Variants in KCTD1 observed in about 807,000 individuals in gnomAD.
The protein encoded by KCTD1 is potassium channel tetramerization domain containing 1.
A neutral mutation model predicts 66.0 loss-of-function variants in KCTD1; 24 were observed. That is an observed-to-expected ratio of 0.36 (90% confidence interval 0.26 to 0.51). The LOEUF (loss-of-function observed/expected upper bound fraction) is 0.51. Among genes scored for constraint, KCTD1 ranks in the 20% least tolerant of loss-of-function variants. The pLI is 0.95. For synonymous variants in KCTD1, 511 were observed against 517.2 expected (o/e 0.99, Z 0.16); for missense variants, 943 against 1,205.2 (o/e 0.78, Z 3.22).
chr18:26,538,560 G>A (rs1275057716), intron 1 of KCTD1, among the ~76,000 whole-genome samples: 1 of 152,168 alleles, frequency 6.6e-6, no homozygotes, highest in Non-Finnish European at 1.5e-5. Context: ...GCAGCACCTG[G>A]ACAAGCTACT....
intron 1 of KCTD1, among the ~76,000 whole-genome samples, chr18:26,504,671 T>C (rs964031239): frequency 2.0e-5 from 3 of 152,054 alleles, no homozygotes; most frequent in African/African-American, 7.3e-5. Flanking sequence ...CTGTACCTGA[T>C]ATATAAGAAC....
At chr18:26,612,983 TAC>T (rs1987169265) in intron 1 of KCTD1, among the ~76,000 whole-genome samples, 1 of 152,208 alleles carries the variant, frequency 6.6e-6, no homozygotes, top group African/African-American at 2.4e-5. Context: ...TTTTTAATTG[TAC>T]AGTGTCCAGT....
intron 2 of KCTD1, among the ~76,000 whole-genome samples, chr18:26,481,508 T>A (rs1393057597): frequency 6.6e-6 from 1 of 152,108 alleles, no homozygotes; most frequent in Non-Finnish European, 1.5e-5. Flanking sequence ...AGAAGCCAGA[T>A]CGTAAAAAGC....
At chr18:26,643,977 C>T (rs58336405), upstream of KCTD1, among the ~76,000 whole-genome samples, 1 of 151,816 alleles carries the variant, frequency 6.6e-6, no homozygotes, top group South Asian at 2.1e-4. Flanking sequence ...AAAAAGGGGG[C>T]CTGCTAAGGT....
chr18:26,560,948 C>T (rs923903784), intron 1 of KCTD1, among the ~76,000 whole-genome samples: 3 of 152,102 alleles, frequency 2.0e-5, no homozygotes, highest in African/African-American at 7.2e-5. Flanking sequence ...GATATATGTA[C>T]AAGGGTGCTC....
intron 1 of KCTD1, chr18:26,600,236 AC>A (rs1164992219): frequency 7.5e-6 from 12 of 1,606,264 alleles, no homozygotes; most frequent in African/African-American, 1.3e-5. Context: ...GGAAACTGCT[AC>A]CTGGGTGATG....
intron 1 of KCTD1, among the ~76,000 whole-genome samples, chr18:26,561,488 T>A (rs1985847578): frequency 6.7e-6 from 1 of 150,308 alleles, no homozygotes; most frequent in Non-Finnish European, 1.5e-5. Context: ...ATGTTCTGGG[T>A]CTCTCTGCTT....
chr18:26,551,475 G>A (rs1251269983), upstream of KCTD1, among the ~76,000 whole-genome samples: 1 of 152,082 alleles, frequency 6.6e-6, no homozygotes, highest in Non-Finnish European at 1.5e-5. Context: ...TGATTATCGG[G>A]CAACTGTGGA....
intron 1 of KCTD1, among the ~76,000 whole-genome samples, chr18:26,556,007 G>A (rs1011382969): frequency 4.1e-5 from 6 of 147,694 alleles, no homozygotes; most frequent in African/African-American, 1.3e-4. Context: ...CCTGCCCCGT[G>A]GCTGTGTTTC....
At chr18:26,620,975 G>A (rs1987370237) in intron 1 of KCTD1, among the ~76,000 whole-genome samples, 1 of 151,846 alleles carries the variant, frequency 6.6e-6, no homozygotes, top group Non-Finnish European at 1.5e-5. Flanking sequence ...TGGGACTACA[G>A]GCGCCCGCCA....
At chr18:26,637,120 G>T (rs1163910803) in intron 1 of KCTD1, among the ~76,000 whole-genome samples, 1 of 152,170 alleles carries the variant, frequency 6.6e-6, no homozygotes, top group Admixed American at 6.5e-5. Flanking sequence ...TTCCAACACT[G>T]TGCCTAGTTT....
chr18:26,496,740 G>GCACACACACACA (rs111233653), intron 2 of KCTD1, among the ~76,000 whole-genome samples: 71 of 148,184 alleles, frequency 4.8e-4, no homozygotes, highest in African/African-American at 1.6e-3. Context: ...AAAAGCATGT[G>GCACACACACACA]CACACACACA....
intron 1 of KCTD1, among the ~76,000 whole-genome samples, chr18:26,639,753 C>T (rs906837098): frequency 2.0e-5 from 3 of 152,240 alleles, no homozygotes; most frequent in Non-Finnish European, 2.9e-5. Flanking sequence ...TGCTGATCCA[C>T]GTTTTCAGAT....
chr18:26,548,132 C>A lies in KCTD1; in HGVS notation c.405G>T (p.Ala135=). 1 of 1,318,738 alleles carries A rather than the reference C, an allele frequency of 7.6e-7. No homozygotes were observed. The allele number at this position is 1,318,738 out of a possible 1,614,324, so 81.7% of individuals were successfully genotyped here. ...MDQSAALEPE[A]PPRLLAPRAR... is the part of the protein sequence containing the mutation. ...CCCGGGGCGCCAGCAGTCGCGGCGGCGCCTCGGGCTCCAGCGCGGCGCTCT... is the reference window on the plus strand; with the variant it reads ...CCCGGGGCGCCAGCAGTCGCGGCGGAGCCTCGGGCTCCAGCGCGGCGCTCT... Residue 135 remains alanine (A), a synonymous_variant, in exon 1 of 5, where the codon GCG becomes GCT. Coordinates refer to ENST00000580059, the MANE Select transcript of KCTD1 (RefSeq NM_001142730.3).
chr18:26,609,375 G>C (rs1041777649), intron 1 of KCTD1, among the ~76,000 whole-genome samples: 1 of 152,166 alleles, frequency 6.6e-6, no homozygotes, highest in Non-Finnish European at 1.5e-5. Flanking sequence ...CTGCCTCACT[G>C]TCCACTGCCA....
upstream of KCTD1, chr18:26,549,745 G>A (rs1985474083): frequency 3.0e-6 from 3 of 985,308 alleles, no homozygotes; most frequent in South Asian, 4.7e-5. Context: ...TTTGCCAACC[G>A]CCATTCGTTC....
chr18:26,460,131 T>G lies in KCTD1; in HGVS notation c.2134-206A>C, dbSNP rs144468775. ...TTCAGTGAAGATAAAAGGAGCTGAG[T>G]AGATTAGGGCTGGTCAGGCCTCTTC... On this transcript the variant is annotated intron_variant, in intron 3 of 4. Transcript: ENST00000580059. Among the ~76,000 whole-genome samples the G allele has an allele frequency of 1.9e-3, 295 of 152,246 alleles. 1 individual carries two copies. Among genetic ancestry groups the G allele is most frequent in the African/African-American group, 6.7e-3 (279 of 41,528 alleles).
intron 1 of KCTD1, among the ~76,000 whole-genome samples, chr18:26,555,028 TATTAAATAAAATTTTATTTCAGTGTC>T (rs1339027145): frequency 6.6e-6 from 1 of 152,256 alleles, no homozygotes; most frequent in African/African-American, 2.4e-5. Context: ...TTAGTCCTGC[TATTAAATAAAATTTTATTTCAGTGTC>T]ATTGGAATAC....
At chr18:26,554,060 GGAAA>G in intron 1 of KCTD1, among the ~76,000 whole-genome samples, 1 of 127,998 alleles carries the variant, frequency 7.8e-6, no homozygotes, top group African/African-American at 2.7e-5. Flanking sequence ...GAAATAGGAA[GGAAA>G]GAAAGAATCT....
Sources: gnomAD v4.1 joint callset for allele counts (sites outside exome capture counted in the v4.1 genomes callset) on GRCh38, gnomAD v4.1.1 for gene constraint, MANE v1.5 for transcripts, NCBI Gene and HGNC (gene_info 2026-07-23, HGNC 2026-07-21) for gene names.